Variants in FGGY observed in about 807,000 individuals in gnomAD.
FGGY encodes FGGY carbohydrate kinase domain containing, also known as FGGY carbohydrate kinase domain-containing protein.
In FGGY, 72 loss-of-function variants were observed where a neutral mutation model predicts 71.3. The observed-to-expected ratio is 1.01, with a 90% CI of 0.84 to 1.23. FGGY has a LOEUF of 1.23. Among genes scored for constraint, FGGY ranks in the 50% most tolerant of loss-of-function variants. The probability of loss-of-function intolerance (pLI) is 0.00; values close to 1 mark genes in which losing one functional copy is unlikely to be tolerated. For synonymous variants in FGGY, 251 were observed against 250.3 expected, an observed-to-expected ratio of 1.00 and a Z score of -0.02; for missense variants, 668 against 682.3, an observed-to-expected ratio of 0.98 and a Z score of 0.23.
intron 5 of FGGY, among the ~76,000 whole-genome samples, chr1:59,424,723 A>G (rs1038082458): frequency 6.6e-6 from 1 of 152,184 alleles, no homozygotes; most frequent in South Asian, 2.1e-4. Context: ...ATGTCTTCAC[A>G]CTTGGCATAC....
chr1:59,651,031 G>A (rs918731796), intron 11 of FGGY, among the ~76,000 whole-genome samples: 6 of 151,488 alleles, frequency 4.0e-5, no homozygotes, highest in Admixed American at 6.6e-5. Context: ...TCAGGAGCAG[G>A]TTGTTCAGTT....
At chr1:59,665,625 C>A (rs989279731) in intron 12 of FGGY, among the ~76,000 whole-genome samples, 5 of 152,108 alleles carry the variant, frequency 3.3e-5, no homozygotes, top group Non-Finnish European at 7.4e-5. Context: ...TACCCCCAAC[C>A]CCCCTAAGAC....
intron 13 of FGGY, among the ~76,000 whole-genome samples, chr1:59,670,742 T>G (rs2097370269): frequency 6.6e-6 from 1 of 152,042 alleles, no homozygotes; most frequent in Non-Finnish European, 1.5e-5. Context: ...CTTATTATTT[T>G]GAAAGTGAAT....
At chr1:59,481,570 G>T (rs2093469783) in intron 6 of FGGY, among the ~76,000 whole-genome samples, 1 of 152,136 alleles carries the variant, frequency 6.6e-6, no homozygotes, top group South Asian at 2.1e-4. Flanking sequence ...CAAGAAATCT[G>T]TTTTGTAAAA....
chr1:59,326,950 A>T (rs758067517), intron 2 of FGGY, among the ~76,000 whole-genome samples: 64 of 152,364 alleles, frequency 4.2e-4, no homozygotes, highest in Admixed American at 5.2e-4. Flanking sequence ...GTCTAAAAAA[A>T]GTATATAACT....
chr1:59,310,194 T>G (rs2044059189), intron 1 of FGGY: 1 of 152,228 alleles, frequency 6.6e-6, no homozygotes, highest in South Asian at 2.1e-4. Context: ...AGTTCTTTCG[T>G]TGTTTTAATT....
intron 10 of FGGY, chr1:59,626,308 A>G: frequency 2.7e-6 from 1 of 375,986 alleles, no homozygotes; most frequent in South Asian, 5.9e-5. Context: ...AAGAAGGACC[A>G]TGGATTCTGG....
chr1:59,687,482 T>G (rs2097553323), intron 14 of FGGY, among the ~76,000 whole-genome samples: 1 of 152,036 alleles, frequency 6.6e-6, no homozygotes, highest in Non-Finnish European at 1.5e-5. Flanking sequence ...CTTTTTTTTT[T>G]TTGAGACACA....
At chr1:59,398,316 G>C (rs1234631502) in intron 5 of FGGY, among the ~76,000 whole-genome samples, 1 of 152,030 alleles carries the variant, frequency 6.6e-6, no homozygotes, top group Non-Finnish European at 1.5e-5. Flanking sequence ...TCAGTGCACT[G>C]CAACCTCTGC....
intron 13 of FGGY, among the ~76,000 whole-genome samples, chr1:59,669,831 G>A (rs2097361364): frequency 6.6e-6 from 1 of 152,166 alleles, no homozygotes. Context: ...AGCTGTGAGT[G>A]ACCCCGGCAC....
At chr1:59,668,696 C>T (rs2097347231) in intron 13 of FGGY, among the ~76,000 whole-genome samples, 1 of 152,066 alleles carries the variant, frequency 6.6e-6, no homozygotes, top group African/African-American at 2.4e-5. Flanking sequence ...GAAAAGCATA[C>T]AGTCAGCCGG....
rs144958811 is a variant in FGGY at position 59,412,976 on chromosome 1, C to T, written c.554+34139C>T. ...GAGGAAGTGCAAGAGCCCTCATTTTCTGTTTTGCACTAGAACTGCTTTCCT... is the reference window on the plus strand; with the variant it reads ...GAGGAAGTGCAAGAGCCCTCATTTTTTGTTTTGCACTAGAACTGCTTTCCT... On this transcript the variant is annotated intron_variant, in intron 5 of 15. Transcript: ENST00000303721. Among the ~76,000 whole-genome samples, 100 of 152,276 alleles carry T rather than the reference C, an allele frequency of 6.6e-4. 1 individual carries two copies. In the East Asian group the frequency reaches 0.013, roughly 20 times the overall value.
chr1:59,705,275 T>G (rs1018211246), intron 14 of FGGY, among the ~76,000 whole-genome samples: 1 of 152,224 alleles, frequency 6.6e-6, no homozygotes, highest in Admixed American at 6.5e-5. Flanking sequence ...TATCTGTGAA[T>G]CTCTTTATGA....
At position 59,690,814 on chromosome 1, in the gene FGGY, C is replaced by T. The variant is rs186417286; in HGVS notation, c.1512+16681C>T. On this transcript the variant is annotated intron_variant, in intron 14 of 15. Coordinates refer to ENST00000303721, the MANE Select transcript of FGGY (RefSeq NM_018291.5). ...CTGGGGATGGACTTAGATTTAAAGTCGCTAGCAGGTAAAATCTGACCTATG... is the reference window on the plus strand; with the variant it reads ...CTGGGGATGGACTTAGATTTAAAGTTGCTAGCAGGTAAAATCTGACCTATG... Among the ~76,000 whole-genome samples, 835 of 152,314 alleles carry T rather than the reference C, an allele frequency of 5.5e-3. 6 individuals carry two copies. The highest frequency in any genetic ancestry group is 0.019 in the African/African-American group (789 of 41,566).
chr1:59,603,160 T>C (rs909913333), intron 8 of FGGY, among the ~76,000 whole-genome samples: 6 of 152,236 alleles, frequency 3.9e-5, no homozygotes, highest in African/African-American at 1.4e-4. Context: ...CAATACCTTT[T>C]AAGTGTAAGT....
intron 14 of FGGY, among the ~76,000 whole-genome samples, chr1:59,709,556 C>A (rs2097779465): frequency 6.6e-6 from 1 of 152,060 alleles, no homozygotes; most frequent in Non-Finnish European, 1.5e-5. Flanking sequence ...CAATTAGCCA[C>A]CCAGTCCAGG....
rs151247324 is a variant in FGGY, at chr1:59,616,552, C to T, written c.1011+8642C>T. The stretch of plus-strand genomic sequence containing the variant: ...TATTAAATGACGAGTTAATGGGTGC[C>T]GCACACCAATATGGCACATGTATAC... On this transcript the variant is annotated intron_variant, in intron 9 of 15. Coordinates refer to ENST00000303721, the MANE Select transcript of FGGY (RefSeq NM_018291.5). Among the ~76,000 whole-genome samples the T allele has an allele frequency of 6.6e-5, 10 of 151,858 alleles. No homozygotes were observed. The South Asian group carries it at 8.3e-4, about 13-fold the overall frequency.
chr1:59,546,100 G>T (rs1571062178), intron 7 of FGGY, among the ~76,000 whole-genome samples: 1 of 152,280 alleles, frequency 6.6e-6, no homozygotes, highest in African/African-American at 2.4e-5. Flanking sequence ...TAACACCAAA[G>T]ATTGGAAGTT....
intron 4 of FGGY, among the ~76,000 whole-genome samples, chr1:59,351,185 A>G (rs1345674597): frequency 1.3e-5 from 2 of 152,236 alleles, no homozygotes; most frequent in African/African-American, 4.8e-5. Flanking sequence ...TTTTCACACT[A>G]CAGTGACAGC....
Sources: gnomAD v4.1 joint callset for allele counts (sites outside exome capture counted in the v4.1 genomes callset) on GRCh38, gnomAD v4.1.1 for gene constraint, MANE v1.5 for transcripts, NCBI Gene and HGNC (gene_info 2026-07-23, HGNC 2026-07-21) for gene names.